Variants in DLC1 observed in about 807,000 individuals in gnomAD.
DLC1 encodes DLC1 Rho GTPase activating protein.
In DLC1, 54 loss-of-function variants were observed where a neutral mutation model predicts 140.3. The observed-to-expected ratio is 0.38, with a 90% CI of 0.31 to 0.48. DLC1 has a LOEUF of 0.48. Ranked by LOEUF, DLC1 falls within the 20% of genes least tolerant of loss-of-function variation. DLC1 has a pLI of 0.96. For missense variants in DLC1, 2,536 were observed against 1,907.0 expected (o/e 1.33, Z -6.14); for synonymous variants, 986 against 728.1 (o/e 1.35, Z -5.70).
At chr8:13,221,146 T>G (rs1444359838) in intron 5 of DLC1, among the ~76,000 whole-genome samples, 2 of 152,128 alleles carry the variant, frequency 1.3e-5, no homozygotes, top group Non-Finnish European at 2.9e-5. Flanking sequence ...GTCATTAGCT[T>G]TCACAAGTTC....
intron 4 of DLC1, among the ~76,000 whole-genome samples, chr8:13,374,716 A>T (rs560666575): frequency 7.9e-5 from 12 of 152,302 alleles, no homozygotes; most frequent in African/African-American, 2.4e-4. Flanking sequence ...CAGAAAGTGA[A>T]GCTTGCAGTG....
chr8:13,439,483 T>C (rs1303446147), intron 2 of DLC1, among the ~76,000 whole-genome samples: 1 of 152,040 alleles, frequency 6.6e-6, no homozygotes, highest in African/African-American at 2.4e-5. Flanking sequence ...TTCTTTTCTT[T>C]TTTTTTTTAA....
chr8:13,569,206 G>A (rs375110435), intron 1 of DLC1, among the ~76,000 whole-genome samples: 2 of 152,184 alleles, frequency 1.3e-5, no homozygotes, highest in African/African-American at 4.8e-5. Context: ...CATGGAATTA[G>A]TGGCATTACC....
intron 5 of DLC1, among the ~76,000 whole-genome samples, chr8:13,285,396 C>G (rs746166535): frequency 6.6e-6 from 1 of 152,106 alleles, no homozygotes; most frequent in Admixed American, 6.5e-5. Context: ...AACATTAACT[C>G]TAAATGGAAC....
intron 5 of DLC1, among the ~76,000 whole-genome samples, chr8:13,287,470 C>T (rs545046045): frequency 3.3e-5 from 5 of 152,238 alleles, no homozygotes; most frequent in African/African-American, 9.6e-5. Context: ...GAAAACCCTG[C>T]TCTGAAGTAT....
At chr8:13,364,963 A>G (rs10481423) in intron 4 of DLC1, among the ~76,000 whole-genome samples, 3,343 of 152,288 alleles carry the variant, frequency 0.022, 121 homozygotes, top group African/African-American at 0.076. Flanking sequence ...TTTGCCAAGG[A>G]TTAAATTCTT....
rs759342089 is a variant in DLC1 at position 13,098,447 on chromosome 8, G to A, written c.3119C>T (p.Thr1040Met). 14 of 1,614,000 alleles carry A rather than the reference G, an allele frequency of 8.7e-6. No homozygotes were observed. The highest frequency in any genetic ancestry group is 5.3e-5 in the African/African-American group (4 of 74,910). ...LLQKYSLLKL[T>M]ALLEKYTPSN... Reference sequence around the variant, plus strand: ...AGGTGTGTATTTCTCCAGCAGGGCCGTTAGCTTTAGGAGTGAGTATTTCTG... The same window carrying A: ...AGGTGTGTATTTCTCCAGCAGGGCCATTAGCTTTAGGAGTGAGTATTTCTG... The change falls in exon 10 of 18, where the codon ACG becomes ATG. Residue 1040 changes from threonine (T) to methionine (M), a missense_variant. By Grantham distance (81) the Thr-to-Met change is moderately conservative. Coordinates refer to ENST00000276297, the MANE Select transcript of DLC1 (RefSeq NM_182643.3).
At chr8:13,410,117 A>G (rs569070557) in intron 2 of DLC1, among the ~76,000 whole-genome samples, 6 of 152,234 alleles carry the variant, frequency 3.9e-5, no homozygotes, top group African/African-American at 1.4e-4. Context: ...AATATCAAAA[A>G]GGGCATTTAT....
chr8:13,384,324 C>T (rs1296512813), intron 4 of DLC1, among the ~76,000 whole-genome samples: 1 of 137,480 alleles, frequency 7.3e-6, no homozygotes, highest in African/African-American at 2.6e-5. Context: ...AATCTTCCCT[C>T]GATGCAGGTA....
At chr8:13,360,017 C>T (rs1341595906) in intron 4 of DLC1, among the ~76,000 whole-genome samples, 10 of 152,082 alleles carry the variant, frequency 6.6e-5, no homozygotes, top group Non-Finnish European at 1.0e-4. Flanking sequence ...TGTTGGATTC[C>T]GCATTATAGT....
intron 2 of DLC1, among the ~76,000 whole-genome samples, chr8:13,490,439 C>T (rs1801181331): frequency 2.0e-5 from 3 of 151,976 alleles, no homozygotes; most frequent in Admixed American, 2.0e-4. Context: ...ATCTTGTTGG[C>T]AGCAAGGGAT....
intron 5 of DLC1, among the ~76,000 whole-genome samples, chr8:13,270,577 C>T (rs1183369345): frequency 6.6e-6 from 1 of 152,134 alleles, no homozygotes; most frequent in African/African-American, 2.4e-5. Context: ...ATGCAAGAAC[C>T]GATTCCCTCA....
chr8:13,224,733 C>A (rs1273352458), intron 5 of DLC1, among the ~76,000 whole-genome samples: 2 of 152,160 alleles, frequency 1.3e-5, no homozygotes, highest in African/African-American at 2.4e-5. Flanking sequence ...ACAGTGTGCA[C>A]AGGAAGGGCT....
intron 2 of DLC1, among the ~76,000 whole-genome samples, chr8:13,461,737 C>T (rs894388486): frequency 1.3e-5 from 2 of 152,176 alleles, no homozygotes; most frequent in Non-Finnish European, 2.9e-5. Context: ...GGAACAGATT[C>T]AATGACTTAC....
intron 5 of DLC1, among the ~76,000 whole-genome samples, chr8:13,192,093 C>T (rs1055803150): frequency 1.3e-5 from 2 of 151,894 alleles, no homozygotes; most frequent in Admixed American, 6.6e-5. Flanking sequence ...ATTACAGGCA[C>T]ATGCCACCGT....
chr8:13,355,542 C>T (rs900673110), intron 4 of DLC1, among the ~76,000 whole-genome samples: 1 of 152,174 alleles, frequency 6.6e-6, no homozygotes, highest in African/African-American at 2.4e-5. Flanking sequence ...TCTGGTGGCT[C>T]TTCTTATAAG....
intron 5 of DLC1, among the ~76,000 whole-genome samples, chr8:13,257,134 C>A (rs1469886909): frequency 1.3e-5 from 2 of 151,994 alleles, no homozygotes; most frequent in Non-Finnish European, 2.9e-5. Flanking sequence ...AAATAGTTGT[C>A]CATGGTGGTC....
At chr8:13,419,508 G>T (rs1838215478) in intron 2 of DLC1, among the ~76,000 whole-genome samples, 1 of 152,136 alleles carries the variant, frequency 6.6e-6, no homozygotes, top group African/African-American at 2.4e-5. Flanking sequence ...TTATATGCTG[G>T]ATTACATTTA....
intron 2 of DLC1, among the ~76,000 whole-genome samples, chr8:13,466,092 C>T (rs143488824): frequency 3.9e-4 from 59 of 152,294 alleles, no homozygotes; most frequent in African/African-American, 1.2e-3. Context: ...TATACTGCAA[C>T]GACAAGCACA....
Sources: gnomAD v4.1 joint callset for allele counts (sites outside exome capture counted in the v4.1 genomes callset) on GRCh38, gnomAD v4.1.1 for gene constraint, MANE v1.5 for transcripts, NCBI Gene and HGNC (gene_info 2026-07-23, HGNC 2026-07-21) for gene names.